Variants in CTNND2 observed in about 807,000 individuals in gnomAD.
The protein encoded by CTNND2 is catenin delta 2.
A neutral mutation model predicts 144.4 loss-of-function variants in CTNND2; 22 were observed. That is an observed-to-expected ratio of 0.15 (90% CI 0.11 to 0.22). The LOEUF is 0.22. CTNND2 is among the 10% of genes least tolerant of loss of function. CTNND2 has a pLI of 1.00. For synonymous variants in CTNND2, 751 were observed against 695.6 expected, an observed-to-expected ratio of 1.08 and a Z score of -1.25; for missense variants, 1,353 against 1,618.8, an observed-to-expected ratio of 0.84 and a Z score of 2.82.
chr5:11,171,830 A>G (rs1759954570), intron 11 of CTNND2, among the ~76,000 whole-genome samples: 1 of 152,188 alleles, frequency 6.6e-6, no homozygotes, highest in Non-Finnish European at 1.5e-5. Flanking sequence ...ATTAGCCAGA[A>G]TGAGAGAAAA....
intron 1 of CTNND2, among the ~76,000 whole-genome samples, chr5:11,792,461 G>A (rs1791186587): frequency 6.6e-6 from 1 of 152,162 alleles, no homozygotes; most frequent in African/African-American, 2.4e-5. Context: ...TTAAATCAAT[G>A]AATGCATGAA....
intron 9 of CTNND2, among the ~76,000 whole-genome samples, chr5:11,261,771 G>A (rs138427558): frequency 1.2e-4 from 18 of 152,348 alleles, no homozygotes; most frequent in Admixed American, 4.6e-4. Flanking sequence ...GAAAGGGAGA[G>A]CATGAGAAAT....
chr5:11,443,536 T>C (rs1277477652), intron 3 of CTNND2, among the ~76,000 whole-genome samples: 3 of 152,044 alleles, frequency 2.0e-5, no homozygotes, highest in Admixed American at 1.3e-4. Context: ...CTAAGTTCTC[T>C]AGTTAAAAAT....
chr5:10,998,722 A>G (rs1376363861), intron 18 of CTNND2, among the ~76,000 whole-genome samples: 12 of 152,244 alleles, frequency 7.9e-5, no homozygotes, highest in Admixed American at 7.8e-4. Context: ...TGTACTGAAC[A>G]TGTACATGTT....
At chr5:11,471,975 AC>A (rs1163107754) in intron 3 of CTNND2, among the ~76,000 whole-genome samples, 4 of 152,266 alleles carry the variant, frequency 2.6e-5, no homozygotes, top group Non-Finnish European at 5.9e-5. Flanking sequence ...CTTCCCTGTT[AC>A]CATATATAGA....
rs1285821266 is a variant in CTNND2 at position 11,397,019 on chromosome 5, C to T, written c.612+12G>A. The T allele has an allele frequency of 6.2e-7, 1 of 1,611,944 alleles. No homozygotes were observed. The highest frequency in any genetic ancestry group is 2.2e-5 in the East Asian group (1 of 44,874). On this transcript the variant is annotated intron_variant, in intron 6 of 21. Transcript: ENST00000304623. ...TGGAGTCCACTGACACCATACAGCA[C>T]TGGGTACCTACCTGGCTGAAGCTCT...
chr5:11,089,174 A>T (rs1471684031), intron 15 of CTNND2, among the ~76,000 whole-genome samples: 3 of 152,278 alleles, frequency 2.0e-5, no homozygotes, highest in Admixed American at 2.0e-4. Context: ...CCTGCTCTTA[A>T]CTGTGACATC....
At chr5:11,124,361 A>G (rs971224851) in intron 12 of CTNND2, among the ~76,000 whole-genome samples, 1 of 152,228 alleles carries the variant, frequency 6.6e-6, no homozygotes, top group African/African-American at 2.4e-5. Flanking sequence ...ACATCCTTAC[A>G]TCCTCGATGG....
At chr5:11,154,152 T>C (rs967128957) in intron 12 of CTNND2, among the ~76,000 whole-genome samples, 8 of 152,238 alleles carry the variant, frequency 5.3e-5, no homozygotes, top group African/African-American at 1.4e-4. Context: ...ATGACACTGA[T>C]ATGGTGTCAC....
intron 2 of CTNND2, among the ~76,000 whole-genome samples, chr5:11,566,829 C>G (rs1023530762): frequency 1.3e-5 from 2 of 152,190 alleles, no homozygotes; most frequent in African/African-American, 4.8e-5. Context: ...TGGGAGATGA[C>G]TTTCTCGTTT....
intron 16 of CTNND2, among the ~76,000 whole-genome samples, chr5:11,045,538 T>C (rs1331676323): frequency 6.6e-6 from 1 of 152,180 alleles, no homozygotes; most frequent in Non-Finnish European, 1.5e-5. Context: ...CATTCTAGCA[T>C]GAGATTTTGA....
intron 1 of CTNND2, among the ~76,000 whole-genome samples, chr5:11,787,862 T>C (rs554012336): frequency 6.6e-6 from 1 of 152,228 alleles, no homozygotes; most frequent in Non-Finnish European, 1.5e-5. Flanking sequence ...CAGTTCTTAA[T>C]GTACTTTTCC....
intron 9 of CTNND2, among the ~76,000 whole-genome samples, chr5:11,268,866 C>T (rs753720498): frequency 3.9e-5 from 6 of 152,130 alleles, no homozygotes; most frequent in Non-Finnish European, 7.4e-5. Context: ...GCAATGTGCA[C>T]ACTGACCCTT....
chr5:11,635,885 C>G (rs1313505674), intron 2 of CTNND2, among the ~76,000 whole-genome samples: 1 of 152,106 alleles, frequency 6.6e-6, no homozygotes, highest in Non-Finnish European at 1.5e-5. Flanking sequence ...CACTCCTACT[C>G]TTTAATGCCA....
chr5:11,643,489 G>A (rs937484023), intron 2 of CTNND2, among the ~76,000 whole-genome samples: 2 of 148,632 alleles, frequency 1.3e-5, no homozygotes, highest in African/African-American at 5.0e-5. Flanking sequence ...TGCGGTGTTT[G>A]GTTTTTTGTC....
At chr5:11,320,068 C>A (rs533240773) in intron 9 of CTNND2, among the ~76,000 whole-genome samples, 1 of 152,282 alleles carries the variant, frequency 6.6e-6, no homozygotes, top group East Asian at 1.9e-4. Context: ...GCGGTTCTGA[C>A]CATTCTGCAC....
chr5:11,076,913 T>C (rs1419781261), intron 16 of CTNND2, among the ~76,000 whole-genome samples: 3 of 152,172 alleles, frequency 2.0e-5, no homozygotes, highest in Middle Eastern at 3.2e-3. Context: ...GAACCAATGA[T>C]GGAAAAGAAA....
At chr5:11,459,716 C>G (rs768092779) in intron 3 of CTNND2, among the ~76,000 whole-genome samples, 3 of 152,160 alleles carry the variant, frequency 2.0e-5, no homozygotes, top group Non-Finnish European at 2.9e-5. Flanking sequence ...AACATTAAAA[C>G]TAATGACAAT....
intron 16 of CTNND2, among the ~76,000 whole-genome samples, chr5:11,035,855 GA>G (rs11375278): frequency 8.1e-5 from 12 of 148,318 alleles, no homozygotes; most frequent in South Asian, 2.1e-4. Context: ...TAATGAACTT[GA>G]AAAAAAAAAA....
Sources: allele counts gnomAD v4.1 joint callset (sites outside exome capture counted in the v4.1 genomes callset), GRCh38; gene constraint gnomAD v4.1.1; transcripts MANE v1.5; gene names NCBI Gene and HGNC (gene_info 2026-07-23, HGNC 2026-07-21).